XPNPEP1: variants seen among roughly 807,000 people sequenced by gnomAD.
XPNPEP1 encodes X-prolyl aminopeptidase 1, also known as xaa-Pro aminopeptidase 1.
In XPNPEP1, 39 loss-of-function variants were observed where a neutral mutation model predicts 92.4. The observed-to-expected ratio is 0.42, with a 90% CI of 0.33 to 0.55. The LOEUF (loss-of-function observed/expected upper bound fraction) is 0.55. Ranked by LOEUF, XPNPEP1 falls within the 20% of genes least tolerant of loss-of-function variation. The pLI, the probability that XPNPEP1 is intolerant of heterozygous loss-of-function variation, is 0.08. For synonymous variants in XPNPEP1, 307 were observed against 299.4 expected, an observed-to-expected ratio of 1.03 and a Z score of -0.26; for missense variants, 654 against 856.1, an observed-to-expected ratio of 0.76 and a Z score of 2.95.
chr10:109,911,624 T>C (rs1849879569), intron 2 of XPNPEP1, among the ~76,000 whole-genome samples: 1 of 152,220 alleles, frequency 6.6e-6, no homozygotes, highest in African/African-American at 2.4e-5. Context: ...TTTCAAACCA[T>C]ATTTCTGAGC....
rs1191253420 is a variant in XPNPEP1, at chr10:109,892,897, G to A, written c.310+115C>T. ...CACCTTTCTGCAGAGAGTCAATGTG[G>A]AGCATCTGGTTTGCATTTTCTTTTT... On this transcript the variant is annotated intron_variant, in intron 4 of 20. Coordinates refer to ENST00000502935, the MANE Select transcript of XPNPEP1 (RefSeq NM_020383.4). 3 of 1,015,038 alleles carry A rather than the reference G, an allele frequency of 3.0e-6. No homozygotes were observed. The African/African-American group carries it at 4.8e-5, about 16-fold the overall frequency. 62.9% of individuals were successfully genotyped at this position (1,015,038 alleles called of 1,614,324 possible).
intron 17 of XPNPEP1, chr10:109,871,156 G>T: frequency 2.6e-6 from 1 of 378,792 alleles, no homozygotes; most frequent in Non-Finnish European, 4.8e-6. Flanking sequence ...GCACACAGAG[G>T]CCGTATCAGA....
rs778306973 is a variant in XPNPEP1 at position 109,888,190 on chromosome 10, A to G, written c.511T>C (p.Tyr171His). The G allele has an allele frequency of 2.5e-6, 4 of 1,611,036 alleles. No individual in the cohort carries two copies. The highest frequency in any genetic ancestry group is 3.4e-6 in the Non-Finnish European group (4 of 1,179,896). ...AGAACTTTGGCCATTTTCTTCCAATAATCTGAGGAGACACATTGTGGCCCA... is the reference window on the plus strand; with the variant it reads ...AGAACTTTGGCCATTTTCTTCCAATGATCTGAGGAGACACATTGTGGCCCA... ...GVDPLIIPTD[Y>H]WKKMAKVLRS... is the part of the protein sequence containing the mutation. Residue 171 changes from tyrosine (Y) to histidine (H), a missense_variant and splice_region_variant, in exon 7 of 21, where the codon TAT (tyrosine) becomes CAT (histidine). Transcript: ENST00000502935.
At chr10:109,912,406 G>C (rs1564792183) in intron 2 of XPNPEP1, among the ~76,000 whole-genome samples, 1 of 152,244 alleles carries the variant, frequency 6.6e-6, no homozygotes, top group African/African-American at 2.4e-5. Flanking sequence ...CAATGGCTGA[G>C]GCAGTGAGGC....
intron 2 of XPNPEP1, among the ~76,000 whole-genome samples, chr10:109,908,948 C>T (rs1244415500): frequency 6.6e-6 from 1 of 152,140 alleles, no homozygotes; most frequent in African/African-American, 2.4e-5. Flanking sequence ...GGACCAGGGC[C>T]TCAATGCTCT....
intron 3 of XPNPEP1, among the ~76,000 whole-genome samples, chr10:109,900,867 T>A (rs1849249551): frequency 6.6e-6 from 1 of 152,216 alleles, no homozygotes; most frequent in African/African-American, 2.4e-5. Flanking sequence ...TTGTCATGCA[T>A]GTTCTCCTAA....
Position 109,883,488 on chromosome 10 carries a change from G to A in XPNPEP1, c.830+579C>T, listed in dbSNP as rs184404188. 7.2e-5 allele frequency among the ~76,000 whole-genome samples: 11 copies of A among 152,210 alleles called. No homozygotes were observed. The East Asian group carries it at 1.9e-3, about 27-fold the overall frequency. The stretch of plus-strand genomic sequence containing the variant: ...CCCACTTATGTGCCCAAATACTTTA[G>A]AAAGAGGACATGCTCATCTCCCCAA... On this transcript the variant is annotated intron_variant, in intron 9 of 20. Coordinates refer to ENST00000502935, the MANE Select transcript of XPNPEP1 (RefSeq NM_020383.4).
intron 5 of XPNPEP1, among the ~76,000 whole-genome samples, chr10:109,889,638 C>T (rs577338310): frequency 7.7e-4 from 118 of 152,344 alleles, no homozygotes; most frequent in African/African-American, 2.7e-3. Context: ...CAACACCTTC[C>T]ATATCTAGCC....
intron 3 of XPNPEP1, among the ~76,000 whole-genome samples, chr10:109,900,183 T>C (rs1034964818): frequency 4.6e-5 from 7 of 152,184 alleles, no homozygotes; most frequent in African/African-American, 1.7e-4. Context: ...TGGGTGTGTA[T>C]ATTTGTGTTT....
At chr10:109,868,163 G>A (rs539491725) in intron 20 of XPNPEP1, among the ~76,000 whole-genome samples, 6 of 152,228 alleles carry the variant, frequency 3.9e-5, no homozygotes, top group East Asian at 3.9e-4. Flanking sequence ...CAGGACATAC[G>A]ATAATAGATT....
At chr10:109,887,706 T>G (rs1157575878) in intron 7 of XPNPEP1, among the ~76,000 whole-genome samples, 1 of 152,160 alleles carries the variant, frequency 6.6e-6, no homozygotes, top group East Asian at 1.9e-4. Flanking sequence ...AGAAGGGAAA[T>G]GGAACCTAGA....
rs1850679770 is a variant in XPNPEP1 at position 109,923,491 on chromosome 10, G to A, written c.-58C>T. 4 of 1,328,814 alleles carry A rather than the reference G, an allele frequency of 3.0e-6. No individual in the cohort carries two copies. The African/African-American group carries it at 4.7e-5, about 15-fold the overall frequency. The allele number at this position is 1,328,814 out of a possible 1,614,324, so 82.3% of individuals were successfully genotyped here. On this transcript the variant is annotated 5_prime_UTR_variant, in exon 1 of 21. Coordinates refer to ENST00000502935, the MANE Select transcript of XPNPEP1 (RefSeq NM_020383.4). The stretch of plus-strand genomic sequence containing the variant: ...GAGCGCAGACCAGCTGATCACCCGC[G>A]GAAGGGCCGGCGCGAAGGAGGCGCG...
intron 14 of XPNPEP1, chr10:109,877,266 C>G (rs1330344786): frequency 6.5e-6 from 1 of 152,880 alleles, no homozygotes; most frequent in Non-Finnish European, 1.5e-5. Context: ...AAATTCGAGA[C>G]AAGCCTGGGC....
chr10:109,865,331 C>T lies in XPNPEP1; in HGVS notation c.1873-19G>A. 2 of 1,614,026 alleles carry T rather than the reference C, an allele frequency of 1.2e-6. No individual in the cohort carries two copies. Among genetic ancestry groups the T allele is most frequent in the Non-Finnish European group, 1.7e-6 (2 of 1,180,004 alleles). On this transcript the variant is annotated intron_variant, in intron 20 of 20. Coordinates refer to ENST00000502935, the MANE Select transcript of XPNPEP1 (RefSeq NM_020383.4). Reference sequence around the variant, plus strand: ...AGTCGCACTGCAGGGAAGAGAAGGACAGACACGGTATTCACCACTACATCT... The same window carrying T: ...AGTCGCACTGCAGGGAAGAGAAGGATAGACACGGTATTCACCACTACATCT...
chr10:109,899,678 G>C (rs1467239886), intron 3 of XPNPEP1, among the ~76,000 whole-genome samples: 2 of 152,238 alleles, frequency 1.3e-5, no homozygotes, highest in Non-Finnish European at 2.9e-5. Context: ...AGGGTCCAAA[G>C]AGTTTAGGAA....
At position 109,870,087 on chromosome 10, in the gene XPNPEP1, G is replaced by A. The variant is rs1318597148; in HGVS notation, c.1697-58C>T. On this transcript the variant is annotated intron_variant, in intron 18 of 20. Coordinates refer to ENST00000502935, the MANE Select transcript of XPNPEP1 (RefSeq NM_020383.4). Reference sequence around the variant, plus strand: ...AGCCCACGATGAAGATGTCTACAGAGAGAAACTTTCACTCCTTGGATGACT... The same window carrying A: ...AGCCCACGATGAAGATGTCTACAGAAAGAAACTTTCACTCCTTGGATGACT... 5.1e-6 allele frequency: 8 copies of A among 1,581,748 alleles called. No homozygotes were observed. In the African/African-American group the frequency reaches 9.5e-5, roughly 19 times the overall value.
In XPNPEP1 at chr10:109,893,084, C is replaced by G. The variant is rs760891985; in HGVS notation, c.247-9G>C. 7 of 1,612,884 alleles carry G rather than the reference C, an allele frequency of 4.3e-6. No individual in the cohort carries two copies. The highest frequency in any genetic ancestry group is 5.9e-6 in the Non-Finnish European group (7 of 1,179,494). ...GGAGCAATATACTCACTCTGGAAAA[C>G]AAAGATGACAACAAAGTGGGCCTCG... On this transcript the variant is annotated splice_polypyrimidine_tract_variant and intron_variant, in intron 3 of 20. Coordinates refer to ENST00000502935, the MANE Select transcript of XPNPEP1 (RefSeq NM_020383.4).
intron 14 of XPNPEP1, chr10:109,876,832 G>A (rs1010484571): frequency 6.6e-6 from 1 of 152,390 alleles, no homozygotes; most frequent in Non-Finnish European, 1.5e-5. Flanking sequence ...TGAGGCTGAA[G>A]CCCAATGGCC....
At chr10:109,914,896 C>A (rs1220799942) in intron 2 of XPNPEP1, 115 bp downstream of exon 2, 10 of 504,552 alleles carry the variant, frequency 2.0e-5, no homozygotes, top group Non-Finnish European at 2.9e-5. Flanking sequence ...TACTAACCCC[C>A]AGTCATGATC....
Sources: allele counts gnomAD v4.1 joint callset (sites outside exome capture counted in the v4.1 genomes callset), GRCh38; gene constraint gnomAD v4.1.1; transcripts MANE v1.5; gene names NCBI Gene and HGNC (gene_info 2026-07-23, HGNC 2026-07-21).